The following KCNIP1 variants were observed in gnomAD, a reference collection of about 807,000 sequenced individuals.
KCNIP1 encodes A-type potassium channel modulatory protein KCNIP1.
KCNIP1 carries 18 observed loss-of-function variants against 33.0 expected under a neutral mutation model. The ratio of observed to expected loss-of-function variants is 0.55; its 90% CI spans 0.38 to 0.81. The LOEUF (loss-of-function observed/expected upper bound fraction) is 0.81, where lower values mean the gene tolerates loss of function less well. Among genes scored for constraint, KCNIP1 ranks in the 30% least tolerant of loss-of-function variants. The probability of loss-of-function intolerance (pLI) is 0.00; values close to 1 mark genes in which losing one functional copy is unlikely to be tolerated. For missense variants in KCNIP1, 238 were observed against 271.6 expected (o/e 0.88, Z 0.87); for synonymous variants, 93 against 98.3 (o/e 0.95, Z 0.32).
At chr5:170,722,625 G>A (rs1464882516) in intron 4 of KCNIP1, 88 bp from the exon 5 acceptor site, 13 of 881,940 alleles carry the variant, frequency 1.5e-5, no homozygotes, top group East Asian at 1.3e-4. Flanking sequence ...ACCATTCTGT[G>A]AGAGTATCAC....
At chr5:170,555,594 A>G (rs149528701) in intron 1 of KCNIP1, among the ~76,000 whole-genome samples, 1 of 152,152 alleles carries the variant, frequency 6.6e-6, no homozygotes, top group African/African-American at 2.4e-5. Context: ...GAGAGCACAC[A>G]TGCCCTCATG....
chr5:170,571,923 GATCT>G (rs1483047952), intron 1 of KCNIP1, among the ~76,000 whole-genome samples: 2 of 152,124 alleles, frequency 1.3e-5, no homozygotes, highest in Non-Finnish European at 2.9e-5. Context: ...CATCCCTCCT[GATCT>G]ATCTTTCATT....
intron 1 of KCNIP1, among the ~76,000 whole-genome samples, chr5:170,555,170 G>A (rs916282498): frequency 1.8e-4 from 28 of 152,190 alleles, no homozygotes; most frequent in Admixed American, 1.7e-3. Flanking sequence ...CAGCGAGACC[G>A]AGACTGAGCT....
At chr5:170,467,684 G>A (rs758478623) in intron 1 of KCNIP1, among the ~76,000 whole-genome samples, 8 of 152,114 alleles carry the variant, frequency 5.3e-5, no homozygotes, top group Non-Finnish European at 7.4e-5. Context: ...TCGAGAGGCC[G>A]AGGCGGGTGG....
At position 170,353,814 on chromosome 5, in the gene KCNIP1, T is replaced by C; in HGVS notation, c.-63T>C. The C allele has an allele frequency of 4.0e-6, 6 of 1,488,848 alleles. No individual in the cohort carries two copies. In the South Asian group the frequency reaches 6.9e-5, roughly 17 times the overall value. 92.2% of individuals were successfully genotyped at this position (1,488,848 alleles called of 1,614,324 possible). A position where few individuals can be genotyped will look rare whatever the true frequency, so the allele number is the denominator to read the frequency against. On this transcript the variant is annotated 5_prime_UTR_variant, in exon 1 of 8. Transcript: ENST00000377360. ...CCAGGCAGGCTCCAAGTTCCTGGGG[T>C]GCACAAGGTGGGCACTGTCCCTTCT...
intron 1 of KCNIP1, among the ~76,000 whole-genome samples, chr5:170,474,362 C>A (rs954454855): frequency 2.0e-5 from 3 of 152,108 alleles, no homozygotes; most frequent in African/African-American, 7.2e-5. Flanking sequence ...TACTTTGAGT[C>A]TCATGTATTG....
chr5:170,354,016 G>C lies in KCNIP1; in HGVS notation c.88+52G>C. ...TTTCTGTCTTGATATGGCCTGGCTG[G>C]TCGCATTGCCTCGGTGTGGTGAGCG... On this transcript the variant is annotated intron_variant, in intron 1 of 7. Coordinates refer to the KCNIP1 transcript ENST00000377360. The C allele has an allele frequency of 1.3e-6, 2 of 1,518,152 alleles. 1 individual carries two copies. Among genetic ancestry groups the C allele is most frequent in the Middle Eastern group, 3.4e-4 (2 of 5,886 alleles). 94.0% of individuals were successfully genotyped at this position (1,518,152 alleles called of 1,614,324 possible).
chr5:170,637,921 T>C (rs140828520), intron 1 of KCNIP1, among the ~76,000 whole-genome samples: 1,640 of 151,612 alleles, frequency 0.011, 66 homozygotes, highest in Admixed American at 0.065. Flanking sequence ...GCTGAATAAA[T>C]GAATGTCAGA....
At chr5:170,432,956 G>A (rs374674364) in intron 1 of KCNIP1, among the ~76,000 whole-genome samples, 4 of 152,240 alleles carry the variant, frequency 2.6e-5, no homozygotes, top group African/African-American at 9.6e-5. Flanking sequence ...AAGCGATCAG[G>A]GAATGTCTCT....
rs543857712 is a variant in KCNIP1 at position 170,710,114 on chromosome 5, G to A, written c.62-8644G>A. On this transcript the variant is annotated intron_variant, in intron 1 of 7. Coordinates refer to ENST00000328939, the MANE Select transcript of KCNIP1 (RefSeq NM_014592.4). ...AACTCCTGACCTCAAGTGATCCCCC[G>A]CCTAGGCCTCCCAAAGTGCTGGGAT... Among the ~76,000 whole-genome samples, 22 of 152,098 alleles carry A rather than the reference G, an allele frequency of 1.4e-4. 1 individual carries two copies. The highest frequency in any genetic ancestry group is 2.6e-4 in the Admixed American group (4 of 15,258).
At chr5:170,378,499 G>T in intron 1 of KCNIP1, 1 of 616,646 alleles carries the variant, frequency 1.6e-6, no homozygotes, top group African/African-American at 1.8e-5. Flanking sequence ...CCAAGGCATT[G>T]GGGAGCCACT....
chr5:170,570,232 T>C (rs1456926982), intron 1 of KCNIP1, among the ~76,000 whole-genome samples: 2 of 152,128 alleles, frequency 1.3e-5, no homozygotes, highest in African/African-American at 4.8e-5. Flanking sequence ...CTTGGGAAAA[T>C]AGATCTCTTA....
chr5:170,449,488 TC>T (rs1433254173), intron 1 of KCNIP1, among the ~76,000 whole-genome samples: 2 of 152,164 alleles, frequency 1.3e-5, no homozygotes, highest in African/African-American at 4.8e-5. Flanking sequence ...ATCGGGCAGG[TC>T]CTGAATCAGG....
At chr5:170,424,734 T>C (rs1755574668) in intron 1 of KCNIP1, among the ~76,000 whole-genome samples, 1 of 152,140 alleles carries the variant, frequency 6.6e-6, no homozygotes, top group South Asian at 2.1e-4. Flanking sequence ...GAGCGATCTT[T>C]TAAAAGTAGA....
At chr5:170,642,404 G>C (rs1760603164) in intron 1 of KCNIP1, among the ~76,000 whole-genome samples, 1 of 152,204 alleles carries the variant, frequency 6.6e-6, no homozygotes. Flanking sequence ...CATCTCCAGC[G>C]TCACAGCTGC....
intron 2 of KCNIP1, 44 bp downstream of exon 2, chr5:170,718,926 G>A (rs150751695): frequency 0.019 from 29,494 of 1,590,502 alleles, 306 homozygotes; most frequent in Non-Finnish European, 0.021. Context: ...GGGTTCCCAC[G>A]TGAGGCTACA....
chr5:170,710,498 T>C (rs1303246740), intron 1 of KCNIP1, among the ~76,000 whole-genome samples: 1 of 152,204 alleles, frequency 6.6e-6, no homozygotes, highest in African/African-American at 2.4e-5. Flanking sequence ...GTCTTGTCTC[T>C]TAATATGCCT....
intron 1 of KCNIP1, among the ~76,000 whole-genome samples, chr5:170,621,618 C>T (rs966922333): frequency 3.3e-5 from 5 of 152,208 alleles, no homozygotes; most frequent in Non-Finnish European, 4.4e-5. Flanking sequence ...TCAAGTGACT[C>T]CCACTTCAGC....
chr5:170,695,561 C>T (rs1173653818), intron 1 of KCNIP1, among the ~76,000 whole-genome samples: 1 of 152,250 alleles, frequency 6.6e-6, no homozygotes, highest in African/African-American at 2.4e-5. Flanking sequence ...GATTCATTCA[C>T]ATTGCTGTGT....
Sources: gnomAD v4.1 joint callset for allele counts (sites outside exome capture counted in the v4.1 genomes callset) on GRCh38, gnomAD v4.1.1 for gene constraint, MANE v1.5 for transcripts, NCBI Gene and HGNC (gene_info 2026-07-23, HGNC 2026-07-21) for gene names.